The following GALNT2 variants were observed in gnomAD, a reference collection of about 807,000 sequenced individuals.
The protein encoded by GALNT2 is polypeptide N-acetylgalactosaminyltransferase 2, also known as UDP-GalNAc:polypeptide N-acetylgalactosaminyltransferase 2.
GALNT2 carries 31 observed loss-of-function variants against 81.4 expected under a neutral mutation model. The ratio of observed to expected loss-of-function variants is 0.38; its 90% CI spans 0.29 to 0.51. The LOEUF (loss-of-function observed/expected upper bound fraction) is 0.51. GALNT2 is among the 20% of genes least tolerant of loss of function. GALNT2 has a pLI of 0.87. For synonymous variants in GALNT2, 303 were observed against 287.4 expected, an observed-to-expected ratio of 1.05 and a Z score of -0.55; for missense variants, 629 against 765.7, an observed-to-expected ratio of 0.82 and a Z score of 2.11.
At chr1:230,142,430 C>T (rs1383956399) in intron 1 of GALNT2, among the ~76,000 whole-genome samples, 1 of 152,114 alleles carries the variant, frequency 6.6e-6, no homozygotes, top group Non-Finnish European at 1.5e-5. Context: ...GTTAAGGGCC[C>T]GGGCTTATAT....
At chr1:230,225,221 A>G (rs888483290) in intron 3 of GALNT2, among the ~76,000 whole-genome samples, 7 of 152,252 alleles carry the variant, frequency 4.6e-5, no homozygotes, top group South Asian at 2.1e-4. Context: ...ACAACAGCTA[A>G]TGAACTTTTT....
At chr1:230,127,717 C>A (rs1661232557) in intron 1 of GALNT2, among the ~76,000 whole-genome samples, 1 of 144,700 alleles carries the variant, frequency 6.9e-6, no homozygotes, top group African/African-American at 2.6e-5. Flanking sequence ...CTATGTGAGC[C>A]CCTCGCGGTG....
chr1:230,278,377 G>A (rs575781453), intron 15 of GALNT2, among the ~76,000 whole-genome samples: 2 of 151,882 alleles, frequency 1.3e-5, no homozygotes, highest in African/African-American at 4.8e-5. Context: ...TTCCTGCCTC[G>A]GCCTCCCAAA....
At chr1:230,118,704 G>C (rs939470785) in intron 1 of GALNT2, among the ~76,000 whole-genome samples, 4 of 151,970 alleles carry the variant, frequency 2.6e-5, no homozygotes, top group African/African-American at 9.7e-5. Flanking sequence ...TTCCCCGCGT[G>C]GCTCCTCCCC....
At chr1:230,094,625 T>C (rs67215573) in intron 1 of GALNT2, among the ~76,000 whole-genome samples, 68,627 of 151,958 alleles carry the variant, frequency 0.45, 15,590 homozygotes, top group South Asian at 0.54. Context: ...GCAACAAGAA[T>C]GAAACTCCGT....
At chr1:230,167,967 C>CA (rs1165012093) in intron 1 of GALNT2, among the ~76,000 whole-genome samples, 1 of 152,104 alleles carries the variant, frequency 6.6e-6, no homozygotes, top group Non-Finnish European at 1.5e-5. Context: ...AAATACCCCC[C>CA]CCTTTTTTTT....
chr1:230,067,816 G>T (rs1488098851), intron 1 of GALNT2, among the ~76,000 whole-genome samples: 1 of 152,184 alleles, frequency 6.6e-6, no homozygotes, highest in Non-Finnish European at 1.5e-5. Flanking sequence ...CAGGAGAGAG[G>T]AGTCCAAGTT....
intron 1 of GALNT2, among the ~76,000 whole-genome samples, chr1:230,071,295 A>G (rs952855463): frequency 6.6e-6 from 1 of 152,076 alleles, no homozygotes; most frequent in Admixed American, 6.6e-5. Context: ...TTAGAGACGG[A>G]CTTTTTGGGA....
chr1:230,236,335 C>A lies in GALNT2; in HGVS notation c.474-18C>A, dbSNP rs745648952. On this transcript the variant is annotated intron_variant, in intron 4 of 15. Transcript: ENST00000366672. ...CCCCTAAAAGACCTATAAACTTTAT[C>A]TTCTTGTCTTTTCTTAGCGTGCTTA... 1 of 1,611,934 alleles carries A rather than the reference C, an allele frequency of 6.2e-7. No individual in the cohort carries two copies. Among genetic ancestry groups the A allele is most frequent in the Non-Finnish European group, 8.5e-7 (1 of 1,178,584 alleles).
At chr1:230,103,244 C>T (rs926139222) in intron 1 of GALNT2, among the ~76,000 whole-genome samples, 5 of 152,110 alleles carry the variant, frequency 3.3e-5, no homozygotes, top group Admixed American at 2.0e-4. Context: ...CCAAAATCCC[C>T]GTAATAGATT....
At chr1:230,111,577 T>G (rs1455457587) in intron 1 of GALNT2, among the ~76,000 whole-genome samples, 1 of 152,266 alleles carries the variant, frequency 6.6e-6, no homozygotes, top group African/African-American at 2.4e-5. Flanking sequence ...AGGGATTGTT[T>G]CCAAGTTTTA....
chr1:230,226,643 T>C (rs1483055438), intron 3 of GALNT2, among the ~76,000 whole-genome samples: 2 of 152,158 alleles, frequency 1.3e-5, no homozygotes, highest in Admixed American at 1.3e-4. Context: ...CGGAGGCAGG[T>C]GCCTTGACCT....
At chr1:230,272,789 G>A (rs1244915709) in intron 14 of GALNT2, among the ~76,000 whole-genome samples, 1 of 152,158 alleles carries the variant, frequency 6.6e-6, no homozygotes, top group Non-Finnish European at 1.5e-5. Flanking sequence ...TCGGTTTGGA[G>A]ACAGGGTCTC....
chr1:230,086,142 G>GGCAC (rs1157742910), intron 1 of GALNT2, among the ~76,000 whole-genome samples: 1 of 152,194 alleles, frequency 6.6e-6, no homozygotes, highest in Non-Finnish European at 1.5e-5. Context: ...TTCCTAGGGT[G>GGCAC]CCAGAGGTGA....
chr1:230,244,982 A>G (rs1481787075), intron 7 of GALNT2, among the ~76,000 whole-genome samples: 1 of 152,192 alleles, frequency 6.6e-6, no homozygotes, highest in Non-Finnish European at 1.5e-5. Context: ...TAAGTGGCTC[A>G]GGGAAAACAC....
At chr1:230,165,779 C>T (rs539838387) in intron 1 of GALNT2, among the ~76,000 whole-genome samples, 3 of 152,180 alleles carry the variant, frequency 2.0e-5, no homozygotes, top group East Asian at 1.9e-4. Context: ...GGGCAGCACT[C>T]GAGAGGGAGG....
At position 230,257,466 on chromosome 1, in the gene GALNT2, A is replaced by G. The variant is rs767892355; in HGVS notation, c.1136+2122A>G. On this transcript the variant is annotated intron_variant, in intron 11 of 15. Transcript: ENST00000366672. This position sits in a 1 kb window ranked among gnomAD's most constrained non-coding sequence, Gnocchi z 4.6. ...TACCTTTTCTTTGTTTAGATACACA[A>G]ATACTTACCATTGTGTTACAGTTTC... 1.1e-4 allele frequency among the ~76,000 whole-genome samples: 17 copies of G among 152,222 alleles called. No individual in the cohort carries two copies. Among genetic ancestry groups the G allele is most frequent in the Non-Finnish European group, 1.6e-4 (11 of 68,034 alleles).
At chr1:230,092,726 G>A (rs570064672) in intron 1 of GALNT2, among the ~76,000 whole-genome samples, 5 of 152,208 alleles carry the variant, frequency 3.3e-5, no homozygotes, top group Non-Finnish European at 7.4e-5. Context: ...TGGCTATTAC[G>A]TGTTTAAGCA....
chr1:230,266,232 C>G (rs574959268), intron 14 of GALNT2, among the ~76,000 whole-genome samples: 8 of 152,280 alleles, frequency 5.3e-5, no homozygotes, highest in African/African-American at 1.9e-4. Context: ...AAACCCACTA[C>G]CTTCTCTTCT....
Sources: gnomAD v4.1 joint callset for allele counts (sites outside exome capture counted in the v4.1 genomes callset) on GRCh38, gnomAD v4.1.1 for gene constraint, Gnocchi (gnomAD v3.1) non-coding constraint, MANE v1.5 for transcripts, NCBI Gene and HGNC (gene_info 2026-07-23, HGNC 2026-07-21) for gene names.